The following SUMF1 variants were observed in gnomAD, a reference collection of about 807,000 sequenced individuals.
SUMF1 encodes formylglycine-generating enzyme.
In SUMF1, 48 loss-of-function variants were observed where a neutral mutation model predicts 47.6. The ratio of observed to expected loss-of-function variants is 1.01; its 90% CI spans 0.80 to 1.28. The LOEUF is 1.28. SUMF1 is among the 50% of genes most tolerant of loss of function. The probability of loss-of-function intolerance (pLI) is 0.00; values close to 1 mark genes in which losing one functional copy is unlikely to be tolerated. For synonymous variants in SUMF1, 230 were observed against 192.1 expected (o/e 1.20, Z -1.63); for missense variants, 571 against 485.4 (o/e 1.18, Z -1.66).
intron 8 of SUMF1, among the ~76,000 whole-genome samples, chr3:4,269,637 G>A (rs1159465672): frequency 3.3e-5 from 5 of 152,062 alleles, no homozygotes; most frequent in African/African-American, 7.2e-5. Flanking sequence ...AGAATGAATG[G>A]GTGAGTTGTT....
At chr3:4,463,151 C>T (rs1342382485) in intron 1 of SUMF1, among the ~76,000 whole-genome samples, 1 of 152,138 alleles carries the variant, frequency 6.6e-6, no homozygotes, top group African/African-American at 2.4e-5. Context: ...GAGATTAAAA[C>T]ATCTAAAAAT....
intron 8 of SUMF1, among the ~76,000 whole-genome samples, chr3:4,195,349 AG>A (rs1695405532): frequency 6.6e-6 from 1 of 152,120 alleles, no homozygotes; most frequent in Non-Finnish European, 1.5e-5. Context: ...ACATAAGCCA[AG>A]GGAAGAGCAA....
intron 8 of SUMF1, among the ~76,000 whole-genome samples, chr3:4,164,821 T>C (rs184333854): frequency 6.6e-6 from 1 of 152,236 alleles, no homozygotes; most frequent in Non-Finnish European, 1.5e-5. Context: ...AATAAACTTA[T>C]CTTTTAGGAT....
intron 3 of SUMF1, among the ~76,000 whole-genome samples, chr3:4,445,694 T>C (rs773864909): frequency 6.6e-6 from 1 of 152,148 alleles, no homozygotes; most frequent in Non-Finnish European, 1.5e-5. Flanking sequence ...TTAAATCCAG[T>C]GATTACACAA....
chr3:4,104,535 C>A (rs1430610614), intron 8 of SUMF1, among the ~76,000 whole-genome samples: 1 of 151,996 alleles, frequency 6.6e-6, no homozygotes, highest in Non-Finnish European at 1.5e-5. Flanking sequence ...GCAGAATGCA[C>A]CCACAGGCAA....
At chr3:4,455,509 A>C (rs1457480861) in intron 1 of SUMF1, among the ~76,000 whole-genome samples, 2 of 152,238 alleles carry the variant, frequency 1.3e-5, no homozygotes, top group Non-Finnish European at 2.9e-5. Context: ...TGAGGTCAAG[A>C]ATTTCAGGCC....
chr3:4,146,560 A>C (rs1426593872), intron 8 of SUMF1, among the ~76,000 whole-genome samples: 1 of 151,964 alleles, frequency 6.6e-6, no homozygotes. Flanking sequence ...TTATACTTTA[A>C]GTTCTAGGGT....
chr3:4,121,254 C>A (rs1693533941), intron 8 of SUMF1, among the ~76,000 whole-genome samples: 1 of 152,034 alleles, frequency 6.6e-6, no homozygotes, highest in Non-Finnish European at 1.5e-5. Flanking sequence ...TAATTTTTAA[C>A]AATAAAACAA....
chr3:4,396,746 A>G (rs1575172403), intron 7 of SUMF1, among the ~76,000 whole-genome samples: 1 of 152,204 alleles, frequency 6.6e-6, no homozygotes, highest in African/African-American at 2.4e-5. Flanking sequence ...CGAGGGCCTC[A>G]AGTTTTACAG....
At chr3:4,073,303 T>A (rs1692331577) in intron 8 of SUMF1, among the ~76,000 whole-genome samples, 1 of 152,114 alleles carries the variant, frequency 6.6e-6, no homozygotes, top group Non-Finnish European at 1.5e-5. Context: ...TTTGTCACCA[T>A]CAGGCCTGCC....
intron 8 of SUMF1, among the ~76,000 whole-genome samples, chr3:4,296,375 A>G (rs531696123): frequency 2.6e-5 from 4 of 152,224 alleles, no homozygotes; most frequent in Non-Finnish European, 5.9e-5. Context: ...TAACTTCTAT[A>G]CAGAGCTGTA....
Position 4,312,788 on chromosome 3 carries a change from C to A in SUMF1, c.1014+63542G>T. On this transcript the variant is annotated intron_variant and NMD_transcript_variant, in intron 8 of 12. Transcript: ENST00000448413. ...TATGCTGTGTTTTGACAGTTTTGTC[C>A]TGTTTTTATATATGTTAGAATTAGA... The A allele has an allele frequency of 1.6e-5, 20 of 1,280,102 alleles. No individual in the cohort carries two copies. In the South Asian group the frequency reaches 2.5e-4, roughly 16 times the overall value. The allele number at this position is 1,280,102 out of a possible 1,614,324, so 79.3% of individuals were successfully genotyped here.
chr3:4,257,985 A>G (rs1294972579), intron 8 of SUMF1, among the ~76,000 whole-genome samples: 17 of 152,138 alleles, frequency 1.1e-4, no homozygotes, highest in Middle Eastern at 3.2e-3. Flanking sequence ...GATCTTTGAC[A>G]AACCTGACAA....
chr3:4,249,775 G>A (rs1696752026), intron 8 of SUMF1, among the ~76,000 whole-genome samples: 1 of 152,128 alleles, frequency 6.6e-6, no homozygotes, highest in South Asian at 2.1e-4. Flanking sequence ...AGTCAACAAA[G>A]GCTGAAAGCT....
chr3:4,322,567 G>A (rs1698859269), intron 8 of SUMF1, among the ~76,000 whole-genome samples: 1 of 151,966 alleles, frequency 6.6e-6, no homozygotes, highest in South Asian at 2.1e-4. Flanking sequence ...GTCTGAAGCA[G>A]GAGGATCCCT....
chr3:4,138,273 G>GT (rs1166528323), intron 8 of SUMF1, among the ~76,000 whole-genome samples: 2 of 152,112 alleles, frequency 1.3e-5, no homozygotes. Context: ...ATAGTGAAAA[G>GT]TTAACTTCAC....
chr3:4,048,013 C>T (rs1022538684), intron 9 of SUMF1, among the ~76,000 whole-genome samples: 1 of 152,080 alleles, frequency 6.6e-6, no homozygotes, highest in Non-Finnish European at 1.5e-5. Context: ...GCACCTTCCC[C>T]AAGGTCACAG....
chr3:4,091,979 C>T (rs1285626828), intron 8 of SUMF1, among the ~76,000 whole-genome samples: 1 of 151,948 alleles, frequency 6.6e-6, no homozygotes, highest in Admixed American at 6.6e-5. Context: ...ACTTAGTCAT[C>T]CAGTTATCAC....
chr3:4,223,515 G>C (rs1326127970), intron 8 of SUMF1, among the ~76,000 whole-genome samples: 1 of 152,090 alleles, frequency 6.6e-6, no homozygotes, highest in African/African-American at 2.4e-5. Context: ...TGAGGATACT[G>C]TTATCGCTAC....
Sources: allele counts gnomAD v4.1 joint callset (sites outside exome capture counted in the v4.1 genomes callset), GRCh38; gene constraint gnomAD v4.1.1; transcripts MANE v1.5; gene names NCBI Gene and HGNC (gene_info 2026-07-23, HGNC 2026-07-21).